The following PLCXD3 variants were observed in gnomAD, a reference collection of about 807,000 sequenced individuals.
PLCXD3 encodes PI-PLC X domain-containing protein 3.
PLCXD3 carries 19 observed loss-of-function variants against 25.5 expected under a neutral mutation model. The observed-to-expected ratio is 0.75, with a 90% CI of 0.52 to 1.09. PLCXD3 has a LOEUF of 1.09. Ranked by LOEUF, PLCXD3 falls within the 50% of genes least tolerant of loss-of-function variation. The pLI is 0.00. For missense variants in PLCXD3, 411 were observed against 388.1 expected (o/e 1.06, Z -0.50); for synonymous variants, 174 against 137.6 (o/e 1.26, Z -1.85).
intron 2 of PLCXD3, among the ~76,000 whole-genome samples, chr5:41,363,459 AT>A (rs543919819): frequency 1.3e-5 from 2 of 152,134 alleles, no homozygotes; most frequent in South Asian, 2.1e-4. Flanking sequence ...AAGTAGTGGA[AT>A]TTTTTTTAAC....
At chr5:41,424,980 A>C (rs1269537896) in intron 1 of PLCXD3, among the ~76,000 whole-genome samples, 1 of 152,206 alleles carries the variant, frequency 6.6e-6, no homozygotes, top group Non-Finnish European at 1.5e-5. Flanking sequence ...TTCTCAACTA[A>C]AATTGTGGAT....
At chr5:41,365,824 C>G (rs1186540846) in intron 2 of PLCXD3, among the ~76,000 whole-genome samples, 1 of 151,910 alleles carries the variant, frequency 6.6e-6, no homozygotes, top group Admixed American at 6.6e-5. Flanking sequence ...TAAGTTACAT[C>G]TACTCACTTG....
At chr5:41,409,523 C>A (rs1746456326) in intron 1 of PLCXD3, among the ~76,000 whole-genome samples, 1 of 152,078 alleles carries the variant, frequency 6.6e-6, no homozygotes, top group African/African-American at 2.4e-5. Flanking sequence ...CTCATCCAAC[C>A]CTCCCCTGCT....
intron 2 of PLCXD3, among the ~76,000 whole-genome samples, chr5:41,375,246 C>A (rs1357639102): frequency 6.6e-6 from 1 of 152,122 alleles, no homozygotes; most frequent in Non-Finnish European, 1.5e-5. Context: ...TGGCTTTACC[C>A]GCTATCCTAT....
At chr5:41,500,839 A>G (rs1748935964) in intron 1 of PLCXD3, among the ~76,000 whole-genome samples, 1 of 152,012 alleles carries the variant, frequency 6.6e-6, no homozygotes, top group Non-Finnish European at 1.5e-5. Context: ...CCAAAAATAT[A>G]TAAGGAATTC....
At chr5:41,347,148 C>T (rs1744324847) in intron 2 of PLCXD3, among the ~76,000 whole-genome samples, 1 of 152,110 alleles carries the variant, frequency 6.6e-6, no homozygotes, top group Non-Finnish European at 1.5e-5. Context: ...TCTGTTGCTC[C>T]ATATTTGGTG....
At chr5:41,476,479 T>C (rs1450524485) in intron 1 of PLCXD3, among the ~76,000 whole-genome samples, 1 of 152,204 alleles carries the variant, frequency 6.6e-6, no homozygotes. Context: ...CAGTCCCTAA[T>C]AAAAACTGGG....
At chr5:41,445,243 T>G (rs1747467377) in intron 1 of PLCXD3, among the ~76,000 whole-genome samples, 1 of 152,206 alleles carries the variant, frequency 6.6e-6, no homozygotes, top group African/African-American at 2.4e-5. Flanking sequence ...GGAGAATCAT[T>G]CCTGGTGACA....
chr5:41,444,920 A>T (rs977221925), intron 1 of PLCXD3, among the ~76,000 whole-genome samples: 1 of 152,240 alleles, frequency 6.6e-6, no homozygotes, highest in Non-Finnish European at 1.5e-5. Flanking sequence ...TTTTGGGGGT[A>T]TTCTACTTTA....
intron 1 of PLCXD3, among the ~76,000 whole-genome samples, chr5:41,443,687 G>A (rs186463089): frequency 1.3e-5 from 2 of 152,264 alleles, no homozygotes; most frequent in African/African-American, 4.8e-5. Context: ...GTCTGAGGGA[G>A]AGAATCTGAA....
chr5:41,441,941 T>G (rs1371501883), intron 1 of PLCXD3, among the ~76,000 whole-genome samples: 1 of 152,180 alleles, frequency 6.6e-6, no homozygotes, highest in Non-Finnish European at 1.5e-5. Context: ...GAGGTCTCAA[T>G]TGTTGGGATT....
intron 1 of PLCXD3, among the ~76,000 whole-genome samples, chr5:41,457,737 T>C (rs1012445614): frequency 6.6e-6 from 1 of 151,890 alleles, no homozygotes; most frequent in African/African-American, 2.4e-5. Flanking sequence ...TTAAAGCTGA[T>C]GAGGTACATG....
At chr5:41,417,449 A>G (rs1471512055) in intron 1 of PLCXD3, among the ~76,000 whole-genome samples, 1 of 152,186 alleles carries the variant, frequency 6.6e-6, no homozygotes, top group Non-Finnish European at 1.5e-5. Flanking sequence ...GAGGTTAGAG[A>G]AGGCTGGGAA....
chr5:41,485,996 A>G (rs1236587078), intron 1 of PLCXD3, among the ~76,000 whole-genome samples: 2 of 152,192 alleles, frequency 1.3e-5, no homozygotes, highest in African/African-American at 2.4e-5. Flanking sequence ...AACAACGGGA[A>G]GTTTTCTCCA....
intron 1 of PLCXD3, among the ~76,000 whole-genome samples, chr5:41,491,720 G>T (rs1313909009): frequency 2.0e-5 from 3 of 151,822 alleles, no homozygotes; most frequent in African/African-American, 7.3e-5. Context: ...ATCTTTGTTG[G>T]TTTAAAGTCT....
chr5:41,336,507 CA>C (rs1362241986), intron 2 of PLCXD3, among the ~76,000 whole-genome samples: 1 of 152,094 alleles, frequency 6.6e-6, no homozygotes, highest in African/African-American at 2.4e-5. Context: ...GACTTCAAGG[CA>C]GGTGACTGAA....
rs753818795 is a variant in PLCXD3, at chr5:41,382,534, C to T, written c.104G>A (p.Gly35Glu). 1 of 1,584,590 alleles carries T rather than the reference C, an allele frequency of 6.3e-7. No individual in the cohort carries two copies. The highest frequency in any genetic ancestry group is 8.5e-7 in the Non-Finnish European group (1 of 1,169,900). The change falls in exon 2 of 3, where the codon GGG becomes GAG. Residue 35 changes from glycine to glutamate, a missense_variant and splice_region_variant. Transcript: ENST00000377801. ...SIPLTNLAIP[G>E]SHDSFSFYID... ...GTAGAAGCTGAAGGAATCATGAGACCCTAGGAGAATAACAAGGCATAGTGT... is the reference window on the plus strand; with the variant it reads ...GTAGAAGCTGAAGGAATCATGAGACTCTAGGAGAATAACAAGGCATAGTGT...
chr5:41,395,448 A>G (rs1054365573), intron 1 of PLCXD3, among the ~76,000 whole-genome samples: 10 of 152,102 alleles, frequency 6.6e-5, no homozygotes, highest in African/African-American at 2.2e-4. Context: ...CATAATTAGT[A>G]GAAGAAATAA....
At chr5:41,443,133 C>T (rs1316262417) in intron 1 of PLCXD3, among the ~76,000 whole-genome samples, 2 of 149,754 alleles carry the variant, frequency 1.3e-5, no homozygotes, top group African/African-American at 4.9e-5. Flanking sequence ...CATATATACC[C>T]AATAGTCATG....
Sources: allele counts gnomAD v4.1 joint callset (sites outside exome capture counted in the v4.1 genomes callset), GRCh38; gene constraint gnomAD v4.1.1; transcripts MANE v1.5; gene names NCBI Gene and HGNC (gene_info 2026-07-23, HGNC 2026-07-21).